The following USP47 variants were observed in gnomAD, a reference collection of about 807,000 sequenced individuals.
The protein encoded by USP47 is ubiquitin carboxyl-terminal hydrolase 47.
In USP47, 35 loss-of-function variants were observed where a neutral mutation model predicts 165.1. The ratio of observed to expected loss-of-function variants is 0.21; its 90% CI spans 0.16 to 0.28. The LOEUF (loss-of-function observed/expected upper bound fraction) is 0.28, where lower values mean the gene tolerates loss of function less well. Among genes scored for constraint, USP47 ranks in the 10% least tolerant of loss-of-function variants. The pLI is 1.00. For synonymous variants in USP47, 531 were observed against 544.5 expected, an observed-to-expected ratio of 0.98 and a Z score of 0.35; for missense variants, 1,277 against 1,607.4, an observed-to-expected ratio of 0.79 and a Z score of 3.52.
Position 11,859,001 on chromosome 11 carries a change from A to G in USP47, c.39+16777A>G, listed in dbSNP as rs1239809088. Among the ~76,000 whole-genome samples, 3 of 151,970 alleles carry G rather than the reference A, an allele frequency of 2.0e-5. No homozygotes were observed. The East Asian group carries it at 5.8e-4, about 29-fold the overall frequency. ...TGTATGAGAATTCTGGTTGTTCTGT[A>G]TCTTTGTTTACTTGGCAGTGTCAGT... On this transcript the variant is annotated intron_variant, in intron 1 of 27. Coordinates refer to ENST00000527733, the MANE Select transcript of USP47 (RefSeq NM_001282659.2).
At chr11:11,897,768 C>G (rs1462570012) in intron 5 of USP47, 75 bp downstream of exon 5, 2 of 1,072,748 alleles carry the variant, frequency 1.9e-6, no homozygotes, top group African/African-American at 1.6e-5. Flanking sequence ...AATTTATCTT[C>G]TTGCAGTTAT....
chr11:11,856,925 A>C (rs2134170543), intron 1 of USP47: 1 of 152,300 alleles, frequency 6.6e-6, no homozygotes, highest in African/African-American at 2.4e-5. Flanking sequence ...GAAGCTCTGC[A>C]AGCTAAAGGT....
intron 20 of USP47, 95 bp from the exon 21 acceptor site, chr11:11,947,850 A>T: frequency 7.6e-7 from 1 of 1,320,804 alleles, no homozygotes; most frequent in South Asian, 1.5e-5. Context: ...TCTTTACTGC[A>T]TACAGTGTAA....
intron 1 of USP47, among the ~76,000 whole-genome samples, chr11:11,857,167 A>AC (rs1849096383): frequency 9.9e-5 from 1 of 10,088 alleles, no homozygotes; most frequent in East Asian, 9.6e-3. Flanking sequence ...ACTCATCTCC[A>AC]AAAGATGCAG....
intron 21 of USP47, 51 bp downstream of exon 21, chr11:11,948,171 T>C: frequency 6.5e-7 from 1 of 1,547,816 alleles, no homozygotes; most frequent in Non-Finnish European, 8.7e-7. Flanking sequence ...AATGATAGAT[T>C]TGAGAACAGC....
At chr11:11,864,801 A>G (rs1179396934) in intron 1 of USP47, among the ~76,000 whole-genome samples, 1 of 152,052 alleles carries the variant, frequency 6.6e-6, no homozygotes, top group Non-Finnish European at 1.5e-5. Flanking sequence ...ATTTCTATTT[A>G]GATAACTTTC....
rs1444792010 is a variant in USP47 at position 11,951,988 on chromosome 11, GTAT to G, written c.3584-748_3584-746del. The G allele has an allele frequency of 2.0e-5, 3 of 152,302 alleles. No individual in the cohort carries two copies. The East Asian group carries it at 5.8e-4, about 29-fold the overall frequency. 9.4% of individuals were successfully genotyped at this position (152,302 alleles called of 1,614,324 possible). On this transcript the variant is annotated intron_variant, in intron 24 of 27. Transcript: ENST00000527733. The stretch of plus-strand genomic sequence containing the variant: ...TACTAGATGGTGGGTGCCTGCATCA[GTAT>G]TATTTCAGTATATTTTCACATCAAG...
intron 18 of USP47, among the ~76,000 whole-genome samples, chr11:11,939,083 C>T (rs975529109): frequency 1.3e-5 from 2 of 151,894 alleles, no homozygotes; most frequent in African/African-American, 4.8e-5. Flanking sequence ...AACATAGGCT[C>T]ATTCCGATTT....
intron 1 of USP47, among the ~76,000 whole-genome samples, chr11:11,867,887 G>GTT (rs138580493): frequency 2.7e-5 from 4 of 147,420 alleles, no homozygotes; most frequent in East Asian, 2.0e-4. Context: ...TTGGAGTTTT[G>GTT]TTTTTTTTTT....
chr11:11,885,267 G>A lies in USP47; in HGVS notation c.357+687G>A, dbSNP rs143587268. On this transcript the variant is annotated intron_variant, in intron 3 of 27. Coordinates refer to ENST00000527733, the MANE Select transcript of USP47 (RefSeq NM_001282659.2). ...AAGATGGCCGATTAGAAATAGCTGC[G>A]GTCCACAGTGCTCATGGAGAGGAGT... Among the ~76,000 whole-genome samples, 269 of 152,166 alleles carry A rather than the reference G, an allele frequency of 1.8e-3. 2 individuals carry two copies. The highest frequency in any genetic ancestry group is 4.4e-4 in the Non-Finnish European group (30 of 68,014).
intron 4 of USP47, among the ~76,000 whole-genome samples, chr11:11,893,302 T>C (rs1428725696): frequency 2.0e-5 from 3 of 152,202 alleles, no homozygotes; most frequent in Non-Finnish European, 4.4e-5. Context: ...ATGTCATTAA[T>C]GGTGTTTCAT....
At chr11:11,939,292 C>T (rs545511685) in intron 18 of USP47, among the ~76,000 whole-genome samples, 7 of 152,020 alleles carry the variant, frequency 4.6e-5, no homozygotes, top group Non-Finnish European at 1.0e-4. Context: ...TCCATAATTA[C>T]AAGTTGAGTC....
intron 17 of USP47, among the ~76,000 whole-genome samples, chr11:11,937,972 T>C (rs529279516): frequency 6.6e-6 from 1 of 152,144 alleles, no homozygotes; most frequent in South Asian, 2.1e-4. Flanking sequence ...AGTTTTTGTG[T>C]GGAATTTTCC....
intron 24 of USP47, 51 bp downstream of exon 24, chr11:11,950,533 T>G: frequency 8.4e-7 from 1 of 1,183,792 alleles, no homozygotes; most frequent in Non-Finnish European, 1.2e-6. Context: ...ACTCTAGAAC[T>G]AATAGAAGCC....
intron 1 of USP47, among the ~76,000 whole-genome samples, chr11:11,864,333 A>C (rs890312849): frequency 3.3e-5 from 5 of 152,122 alleles, no homozygotes; most frequent in African/African-American, 4.8e-5. Flanking sequence ...TTATGGAGTT[A>C]AGCTATTTAT....
In USP47 at chr11:11,929,452, C is replaced by G; in HGVS notation, c.1405C>G (p.Leu469Val). Reference protein sequence around the residue: ...GLEKNSLIYELFSVMVHSGSA... With the variant: ...GLEKNSLIYEVFSVMVHSGSA... ...CCCTTAGAATTCCTTGATCTATGAA[C>G]TTTTCTCTGTTATGGTTCATTCTGG... Residue 469 changes from leucine to valine, a missense_variant, in exon 12 of 28, where the codon CTT becomes GTT. Around this residue, in one of 4 missense-constraint regions of USP47, gnomAD observed 909 missense variants for 1,068.1 expected, o/e 0.85. Coordinates refer to ENST00000527733, the MANE Select transcript of USP47 (RefSeq NM_001282659.2). 1 of 1,612,488 alleles carries G rather than the reference C, an allele frequency of 6.2e-7. No homozygotes were observed. Among genetic ancestry groups the G allele is most frequent in the South Asian group, 1.1e-5 (1 of 90,888 alleles).
At chr11:11,857,466 A>G (rs968004822) in intron 1 of USP47, among the ~76,000 whole-genome samples, 6 of 152,176 alleles carry the variant, frequency 3.9e-5, no homozygotes, top group African/African-American at 1.4e-4. Flanking sequence ...ACCTTTAGTT[A>G]TTTACCATTA....
intron 1 of USP47, among the ~76,000 whole-genome samples, chr11:11,842,509 C>T (rs1398678833): frequency 6.6e-6 from 1 of 152,186 alleles, no homozygotes; most frequent in Non-Finnish European, 1.5e-5. Flanking sequence ...AGAAGGTGGC[C>T]TTTTAAGTTC....
intron 1 of USP47, among the ~76,000 whole-genome samples, chr11:11,850,470 T>C (rs1848664217): frequency 1.1e-5 from 1 of 89,082 alleles, no homozygotes; most frequent in South Asian, 4.1e-4. Flanking sequence ...TTAGGAAATA[T>C]TGGTAGTTTT....
Sources: allele counts gnomAD v4.1 joint callset (sites outside exome capture counted in the v4.1 genomes callset), GRCh38; gene constraint gnomAD v4.1.1; regional missense constraint gnomAD v4.1.1; transcripts MANE v1.5; gene names NCBI Gene and HGNC (gene_info 2026-07-23, HGNC 2026-07-21).